KNTC1: variants seen among roughly 807,000 people sequenced by gnomAD.
KNTC1 encodes the protein kinetochore associated 1.
A neutral mutation model predicts 314.4 loss-of-function variants in KNTC1; 253 were observed. That is an observed-to-expected ratio of 0.80 (90% CI 0.73 to 0.89). The LOEUF is 0.89. Ranked by LOEUF, KNTC1 falls within the 40% of genes least tolerant of loss-of-function variation. The pLI is 0.00. For missense variants in KNTC1, 2,475 were observed against 2,572.9 expected (o/e 0.96, Z 0.82); for synonymous variants, 901 against 901.4 (o/e 1.00, Z 0.01).
At chr12:122,606,291 G>T (rs1358310531) in intron 51 of KNTC1, among the ~76,000 whole-genome samples, 1 of 142,710 alleles carries the variant, frequency 7.0e-6, no homozygotes, top group African/African-American at 2.6e-5. Context: ...GCAGTGGCGT[G>T]ATCTCAGCAA....
At chr12:122,535,021 C>A (rs1961673772) in intron 3 of KNTC1, among the ~76,000 whole-genome samples, 1 of 152,164 alleles carries the variant, frequency 6.6e-6, no homozygotes, top group South Asian at 2.1e-4. Flanking sequence ...TGTAAAGCAA[C>A]AACTTAGTTT....
At chr12:122,617,302 T>C (rs945503475) in intron 57 of KNTC1, 7 of 355,638 alleles carry the variant, frequency 2.0e-5, no homozygotes, top group African/African-American at 1.5e-4. Context: ...TAATGCTTGA[T>C]TATTCTCCAG....
In KNTC1 at chr12:122,574,323, T is replaced by C; in HGVS notation, c.2325T>C (p.Phe775=). ...NRCSSKSTSL[F]ETAWEAKAMA... ...GCAGCTCAAAGTCCACATCACTCTT[T>C]GAAACAGCATGGGAAGCAAAGGCCA... The change falls in exon 27 of 64, where the codon TTT becomes TTC. Residue 775 remains phenylalanine, a synonymous_variant. Coordinates refer to ENST00000333479, the MANE Select transcript of KNTC1 (RefSeq NM_014708.6). 10 of 1,612,660 alleles carry C rather than the reference T, an allele frequency of 6.2e-6. No homozygotes were observed. Among genetic ancestry groups the C allele is most frequent in the Non-Finnish European group, 7.6e-6 (9 of 1,179,060 alleles).
At chr12:122,604,429 G>C (rs1042617174) in intron 48 of KNTC1, 135 bp from the exon 49 acceptor site, 10 of 448,032 alleles carry the variant, frequency 2.2e-5, no homozygotes, top group Non-Finnish European at 3.5e-5. Context: ...TTACAAATAT[G>C]AGCCACTGTG....
At position 122,602,637 on chromosome 12, in the gene KNTC1, G is replaced by C. The variant is rs745341317; in HGVS notation, c.4722G>C (p.Gln1574His). The C allele has an allele frequency of 1.2e-6, 2 of 1,611,810 alleles. No homozygotes were observed. The highest frequency in any genetic ancestry group is 1.7e-6 in the Non-Finnish European group (2 of 1,177,924). ...RISPPVDLEY[Q>H]YMLEHVITLP... ...CTCCTCCCGTGGATCTAGAATATCA[G>C]TATATGTTGGAACATGTCATAACTT... The change falls in exon 46 of 64, where the codon CAG (glutamine) becomes CAC (histidine). Residue 1574 changes from glutamine to histidine, a missense_variant. Coordinates refer to ENST00000333479, the MANE Select transcript of KNTC1 (RefSeq NM_014708.6).
intron 45 of KNTC1, chr12:122,601,889 A>T (rs572137773): frequency 3.7e-4 from 99 of 270,198 alleles, no homozygotes; most frequent in Non-Finnish European, 5.8e-4. Flanking sequence ...AAGAGTATGA[A>T]GTCACTACAG....
chr12:122,576,320 C>T (rs1565975739), intron 29 of KNTC1, among the ~76,000 whole-genome samples: 1 of 152,098 alleles, frequency 6.6e-6, no homozygotes, highest in Non-Finnish European at 1.5e-5. Context: ...CTGCCTGCCT[C>T]GGCCTCCCAT....
In KNTC1 at chr12:122,532,212, T is replaced by C. The variant is rs867757380; in HGVS notation, c.129+2020T>C. On this transcript the variant is annotated intron_variant, in intron 2 of 63. Coordinates refer to ENST00000333479, the MANE Select transcript of KNTC1 (RefSeq NM_014708.6). The stretch of plus-strand genomic sequence containing the variant: ...CCACGCCTGGCTAATTTTTCTTTTT[T>C]TTTTTTTTTTTTTTTGAGACGAACT... 8.3e-4 allele frequency among the ~76,000 whole-genome samples: 112 copies of C among 134,326 alleles called. No individual in the cohort carries two copies. The East Asian group carries it at 8.8e-3, about 11-fold the overall frequency. The allele number at this position is 134,326 out of a possible 152,430, so 88.1% of individuals were successfully genotyped here.
At chr12:122,622,194 T>C (rs1415750346) in intron 61 of KNTC1, among the ~76,000 whole-genome samples, 1 of 152,180 alleles carries the variant, frequency 6.6e-6, no homozygotes, top group African/African-American at 2.4e-5. Flanking sequence ...CTTAAGTGCT[T>C]TTAATTGAAA....
chr12:122,603,957 C>T (rs966211008), intron 48 of KNTC1, among the ~76,000 whole-genome samples: 7 of 151,948 alleles, frequency 4.6e-5, no homozygotes, highest in East Asian at 1.9e-4. Context: ...ATTCATAGAA[C>T]GAAATATTAT....
intron 45 of KNTC1, among the ~76,000 whole-genome samples, chr12:122,602,205 A>T (rs1398760708): frequency 6.6e-6 from 1 of 152,070 alleles, no homozygotes; most frequent in African/African-American, 2.4e-5. Flanking sequence ...AAATATAAAC[A>T]TAGGAAAGAT....
chr12:122,576,317 C>T (rs1330942065), intron 29 of KNTC1, among the ~76,000 whole-genome samples: 1 of 152,094 alleles, frequency 6.6e-6, no homozygotes, highest in Admixed American at 6.5e-5. Context: ...GATCTGCCTG[C>T]CTCGGCCTCC....
intron 9 of KNTC1, 144 bp from the exon 10 acceptor site, chr12:122,546,478 C>A: frequency 1.5e-6 from 1 of 663,662 alleles, no homozygotes; most frequent in African/African-American, 1.8e-5. Flanking sequence ...TTAGTAATCA[C>A]CTAACAGAAA....
Position 122,618,581 on chromosome 12 carries a change from A to AG in KNTC1, c.6149+37dup, listed in dbSNP as rs1874048784. Reference sequence around the variant, plus strand: ...TATTTGTTCTACCAAAAAAAAAAAAAGTTTGTTGCTTATAAGATTCCCTTC... The same window carrying AG: ...TATTTGTTCTACCAAAAAAAAAAAAAGGTTTGTTGCTTATAAGATTCCCTTC... On this transcript the variant is annotated intron_variant, in intron 59 of 63. Coordinates refer to ENST00000333479, the MANE Select transcript of KNTC1 (RefSeq NM_014708.6). 4 of 1,463,042 alleles carry AG rather than the reference A, an allele frequency of 2.7e-6. No individual in the cohort carries two copies. The East Asian group carries it at 9.1e-5, about 33-fold the overall frequency. 90.6% of individuals were successfully genotyped at this position (1,463,042 alleles called of 1,614,324 possible). A position where few individuals can be genotyped will look rare whatever the true frequency, so the allele number is the denominator to read the frequency against.
At chr12:122,591,995 G>T (rs554094172) in intron 42 of KNTC1, among the ~76,000 whole-genome samples, 87 of 152,336 alleles carry the variant, frequency 5.7e-4, no homozygotes, top group African/African-American at 1.9e-3. Flanking sequence ...GCCAGAGCCG[G>T]CTCCCTCAGC....
chr12:122,595,128 G>T (rs1052269477), intron 43 of KNTC1, among the ~76,000 whole-genome samples: 2 of 152,144 alleles, frequency 1.3e-5, no homozygotes, highest in South Asian at 2.1e-4. Flanking sequence ...CACCCGCCTC[G>T]GCCTCCCAAA....
chr12:122,554,756 A>C (rs1963461928), intron 16 of KNTC1, among the ~76,000 whole-genome samples: 1 of 152,214 alleles, frequency 6.6e-6, no homozygotes, highest in South Asian at 2.1e-4. Context: ...TATAGTTTTC[A>C]GAACCAGAGA....
In KNTC1 at chr12:122,538,467, T is replaced by C. The variant is rs1255074565; in HGVS notation, c.366+13T>C. 3.0e-6 allele frequency: 4 copies of C among 1,351,816 alleles called. No homozygotes were observed. The African/African-American group carries it at 5.9e-5, about 20-fold the overall frequency. The allele number at this position is 1,351,816 out of a possible 1,614,324, so 83.7% of individuals were successfully genotyped here. On this transcript the variant is annotated intron_variant, in intron 4 of 63. Coordinates refer to ENST00000333479, the MANE Select transcript of KNTC1 (RefSeq NM_014708.6). ...ACTACTCACTAATGTAAGATCTTGT[T>C]GTATTTTAATTTTCATTATTTAAAT...
chr12:122,590,148 T>C (rs951169982), intron 40 of KNTC1, among the ~76,000 whole-genome samples: 1 of 152,148 alleles, frequency 6.6e-6, no homozygotes, highest in Non-Finnish European at 1.5e-5. Context: ...CACAAAGATC[T>C]TTGGTATACC....
Sources: gnomAD v4.1 joint callset for allele counts (sites outside exome capture counted in the v4.1 genomes callset) on GRCh38, gnomAD v4.1.1 for gene constraint, MANE v1.5 for transcripts, NCBI Gene and HGNC (gene_info 2026-07-23, HGNC 2026-07-21) for gene names.